The following AZI2 variants were observed in gnomAD, a reference collection of about 807,000 sequenced individuals.
AZI2 encodes 5-azacytidine induced 2, also known as 5-azacytidine-induced protein 2.
A neutral mutation model predicts 45.8 loss-of-function variants in AZI2; 22 were observed. The ratio of observed to expected loss-of-function variants is 0.48; its 90% confidence interval spans 0.34 to 0.69. The LOEUF (loss-of-function observed/expected upper bound fraction) is 0.69. Among genes scored for constraint, AZI2 ranks in the 30% least tolerant of loss-of-function variants. AZI2 has a pLI of 0.01. For missense variants in AZI2, 417 were observed against 441.5 expected (o/e 0.94, Z 0.50); for synonymous variants, 137 against 156.7 (o/e 0.87, Z 0.94).
In AZI2 at chr3:28,323,782, T is replaced by C. The variant is rs1703271103; in HGVS notation, c.*260A>G. ...CAATTAATATAGAAGGCAGAGTTTTTTAAACACCTTAAGTTTACTTATTAA... is the reference window on the plus strand; with the variant it reads ...CAATTAATATAGAAGGCAGAGTTTTCTAAACACCTTAAGTTTACTTATTAA... On this transcript the variant is annotated 3_prime_UTR_variant, in exon 8 of 8. Transcript: ENST00000479665. 3.6e-6 allele frequency: 1 copy of C among 279,612 alleles called. No individual in the cohort carries two copies. Among genetic ancestry groups the C allele is most frequent in the Non-Finnish European group, 6.6e-6 (1 of 151,962 alleles). The allele number at this position is 279,612 out of a possible 1,614,324, so 17.3% of individuals were successfully genotyped here.
At position 28,322,790 on chromosome 3, in the gene AZI2, T is replaced by C. The variant is rs1004702135; in HGVS notation, c.*1252A>G. On this transcript the variant is annotated 3_prime_UTR_variant, in exon 8 of 8. Coordinates refer to ENST00000479665, the MANE Select transcript of AZI2 (RefSeq NM_022461.5). Reference sequence around the variant, plus strand: ...AAAAATATCTAGTGAATGGCGAACATTGTCTATGTATGTATGCTATTCAGT... The same window carrying C: ...AAAAATATCTAGTGAATGGCGAACACTGTCTATGTATGTATGCTATTCAGT... 1.3e-5 allele frequency: 2 copies of C among 151,472 alleles called. No homozygotes were observed. Among genetic ancestry groups the C allele is most frequent in the Non-Finnish European group, 3.0e-5 (2 of 67,368 alleles). 9.4% of individuals were successfully genotyped at this position (151,472 alleles called of 1,614,324 possible). A position where few individuals can be genotyped will look rare whatever the true frequency, so the allele number is the denominator to read the frequency against.
At chr3:28,328,012 G>A (rs530629653) in intron 6 of AZI2, among the ~76,000 whole-genome samples, 1 of 149,974 alleles carries the variant, frequency 6.7e-6, no homozygotes, top group Non-Finnish European at 1.5e-5. Flanking sequence ...TCAAATTACA[G>A]AATATAGTTT....
In AZI2 at chr3:28,324,039, AAATT is replaced by A. The variant is rs1340038887; in HGVS notation, c.1178_*2del. The A allele has an allele frequency of 1.3e-6, 2 of 1,599,032 alleles. No homozygotes were observed. Among genetic ancestry groups the A allele is most frequent in the Non-Finnish European group, 8.5e-7 (1 of 1,169,700 alleles). ...CATGGTGAAATCGTGAATCTCTTCC[AAATT>A]AATTCTTATAAAGGCAGTTCTGATT... On this transcript the variant is annotated stop_lost and 3_prime_UTR_variant, in exon 8 of 8. Coordinates refer to ENST00000479665, the MANE Select transcript of AZI2 (RefSeq NM_022461.5).
chr3:28,346,469 G>T (rs1450334383), intron 1 of AZI2, among the ~76,000 whole-genome samples: 1 of 152,032 alleles, frequency 6.6e-6, no homozygotes, highest in African/African-American at 2.4e-5. Context: ...CACCAAACTT[G>T]GCAAGAAAGG....
chr3:28,329,319 C>G (rs1311707323), intron 6 of AZI2, among the ~76,000 whole-genome samples: 2 of 151,168 alleles, frequency 1.3e-5, no homozygotes, highest in East Asian at 3.9e-4. Flanking sequence ...CTGTCTTTCA[C>G]TTAACCCGGT....
chr3:28,346,736 G>C (rs906713056), intron 1 of AZI2, among the ~76,000 whole-genome samples: 1 of 152,126 alleles, frequency 6.6e-6, no homozygotes, highest in African/African-American at 2.4e-5. Flanking sequence ...TTACGAAGAC[G>C]AACAGACCAA....
At chr3:28,324,585 G>T in intron 7 of AZI2, 131 bp from the exon 8 acceptor site, 1 of 777,204 alleles carries the variant, frequency 1.3e-6, no homozygotes, top group Non-Finnish European at 1.8e-6. Context: ...TGATCATTGA[G>T]GCACTGTGAC....
At chr3:28,331,176 A>G (rs187471750) in intron 6 of AZI2, among the ~76,000 whole-genome samples, 10 of 151,436 alleles carry the variant, frequency 6.6e-5, no homozygotes, top group Admixed American at 3.3e-4. Context: ...CAAATGTACT[A>G]TTTATATAGC....
At chr3:28,337,012 G>GT (rs1269150782) in intron 4 of AZI2, 127 bp from the exon 5 acceptor site, 8 of 917,982 alleles carry the variant, frequency 8.7e-6, no homozygotes, top group Non-Finnish European at 1.1e-5. Flanking sequence ...ATGATCAATA[G>GT]TTTTTTAAAA....
chr3:28,336,682 C>T, intron 5 of AZI2, 55 bp downstream of exon 5: 1 of 1,523,460 alleles, frequency 6.6e-7, no homozygotes. Context: ...GTTATAAATC[C>T]TACATATGAT....
In AZI2 at chr3:28,322,650, G is replaced by A. The variant is rs995580711; in HGVS notation, c.*1392C>T. The A allele has an allele frequency of 6.6e-6, 1 of 151,362 alleles. No individual in the cohort carries two copies. Among genetic ancestry groups the A allele is most frequent in the Non-Finnish European group, 1.5e-5 (1 of 67,372 alleles). 9.4% of individuals were successfully genotyped at this position (151,362 alleles called of 1,614,324 possible). ...CATATTGGGTTTGGTTCTATTACTTGGCAGGAGATTGTACTCCCCTGAGTC... is the reference window on the plus strand; with the variant it reads ...CATATTGGGTTTGGTTCTATTACTTAGCAGGAGATTGTACTCCCCTGAGTC... On this transcript the variant is annotated 3_prime_UTR_variant, in exon 8 of 8. Transcript: ENST00000479665.
rs1460449727 is a variant in AZI2 at position 28,321,340 on chromosome 3, G to C, written c.*2702C>G. The C allele has an allele frequency of 2.6e-5, 4 of 151,390 alleles. No individual in the cohort carries two copies. In the East Asian group the frequency reaches 7.8e-4, roughly 29 times the overall value. 9.4% of individuals were successfully genotyped at this position (151,390 alleles called of 1,614,324 possible). ...AGTGAAATATACAATCTATTTTATA[G>C]CTTTGATTAAAATCAGAAGTAGCCC... On this transcript the variant is annotated 3_prime_UTR_variant, in exon 8 of 8. Coordinates refer to ENST00000479665, the MANE Select transcript of AZI2 (RefSeq NM_022461.5).
intron 7 of AZI2, 61 bp from the exon 8 acceptor site, chr3:28,324,515 T>C: frequency 7.4e-7 from 1 of 1,354,550 alleles, no homozygotes; most frequent in Non-Finnish European, 9.7e-7. Flanking sequence ...TAAAATTCGA[T>C]AACACTTCAC....
chr3:28,333,576 CCAA>C (rs751173779), intron 5 of AZI2, among the ~76,000 whole-genome samples: 3 of 151,402 alleles, frequency 2.0e-5, no homozygotes, highest in Non-Finnish European at 4.4e-5. Context: ...ATTTTTAAAG[CCAA>C]CAATATAAAA....
chr3:28,340,496 A>C lies in AZI2; in HGVS notation c.122T>G (p.Leu41Arg). 6.2e-7 allele frequency: 1 copy of C among 1,613,258 alleles called. No individual in the cohort carries two copies. The highest frequency in any genetic ancestry group is 8.5e-7 in the Non-Finnish European group (1 of 1,179,460). The change falls in exon 2 of 8, where the codon CTT becomes CGT. Residue 41 changes from leucine (L) to arginine (R), a missense_variant. Physicochemically the swap from Leu to Arg is moderately radical, Grantham distance 102 (BLOSUM62 -2). Coordinates refer to ENST00000479665, the MANE Select transcript of AZI2 (RefSeq NM_022461.5). Reference protein sequence around the residue: ...GDESVASHFALVTAYEDIKKR... With the variant: ...GDESVASHFARVTAYEDIKKR... ...TTTGATGTCTTCATATGCAGTGACA[A>C]GAGCAAAATGGGAAGCAACAGATTC...
At chr3:28,347,229 A>T (rs1393192822) in intron 1 of AZI2, among the ~76,000 whole-genome samples, 1 of 152,226 alleles carries the variant, frequency 6.6e-6, no homozygotes, top group Admixed American at 6.5e-5. Context: ...TATAAAAAAA[A>T]CTTCAGCATT....
intron 6 of AZI2, among the ~76,000 whole-genome samples, chr3:28,331,192 T>TA (rs953228302): frequency 2.0e-5 from 3 of 151,410 alleles, no homozygotes; most frequent in Non-Finnish European, 3.0e-5. Context: ...ATAGCCCCTG[T>TA]ATTTGATCTC....
At chr3:28,339,067 G>A (rs1375758531) in intron 2 of AZI2, among the ~76,000 whole-genome samples, 5 of 150,650 alleles carry the variant, frequency 3.3e-5, no homozygotes, top group African/African-American at 4.9e-5. Context: ...TGCAACCTCC[G>A]CCTCCCAGGT....
intron 4 of AZI2, 161 bp from the exon 5 acceptor site, chr3:28,337,046 A>G: frequency 1.5e-6 from 1 of 683,672 alleles, no homozygotes; most frequent in Non-Finnish European, 2.3e-6. Context: ...ATACTTTCAA[A>G]TATCTATGCT....
Sources: allele counts gnomAD v4.1 joint callset (sites outside exome capture counted in the v4.1 genomes callset), GRCh38; gene constraint gnomAD v4.1.1; transcripts MANE v1.5; gene names NCBI Gene and HGNC (gene_info 2026-07-23, HGNC 2026-07-21).